USP31: variants seen among roughly 807,000 people sequenced by gnomAD.
USP31 encodes the protein ubiquitin specific peptidase 31.
A neutral mutation model predicts 119.4 loss-of-function variants in USP31; 44 were observed. The ratio of observed to expected loss-of-function variants is 0.37; its 90% confidence interval spans 0.29 to 0.47. The LOEUF (loss-of-function observed/expected upper bound fraction) is 0.47, where lower values mean the gene tolerates loss of function less well. Ranked by LOEUF, USP31 falls within the 20% of genes least tolerant of loss-of-function variation. The pLI, the probability that USP31 is intolerant of heterozygous loss-of-function variation, is 0.99. For missense variants in USP31, 1,643 were observed against 1,730.2 expected (o/e 0.95, Z 0.89); for synonymous variants, 749 against 705.6 (o/e 1.06, Z -0.97).
chr16:23,148,589 GC>G, intron 1 of USP31, 48 bp downstream of exon 1: 2 of 1,413,110 alleles, frequency 1.4e-6, no homozygotes, highest in Non-Finnish European at 9.1e-7. Flanking sequence ...GCGGGCAGGT[GC>G]CCCAGGGGCT....
rs780809931 is a variant in USP31 at position 23,073,730 on chromosome 16, G to A, written c.2327C>T (p.Ser776Leu). The change falls in exon 14 of 16, where the codon TCG becomes TTG. Residue 776 changes from serine to leucine, a missense_variant. By Grantham distance (145) the Ser-to-Leu change is moderately radical. Coordinates refer to ENST00000219689, the MANE Select transcript of USP31 (RefSeq NM_020718.4). ...ACAAGAGTGGACCTCACCTGCCACC[G>A]AGCTGTTGGCTGACCATGACGGGAT... ...TAIPSWSANSSVAGSTSSSLC... is the reference protein window; with the variant it reads ...TAIPSWSANSLVAGSTSSSLC... 3.7e-6 allele frequency: 6 copies of A among 1,611,576 alleles called. No homozygotes were observed. The highest frequency in any genetic ancestry group is 3.4e-6 in the Non-Finnish European group (4 of 1,179,100).
At chr16:23,096,861 T>C (rs868375469) in intron 6 of USP31, among the ~76,000 whole-genome samples, 2 of 152,212 alleles carry the variant, frequency 1.3e-5, no homozygotes, top group East Asian at 3.8e-4. Flanking sequence ...AGGAAATTTA[T>C]AGCACCAAAT....
In USP31 at chr16:23,148,670, C is replaced by G; in HGVS notation, c.601G>C (p.Glu201Gln). 6.7e-7 allele frequency: 1 copy of G among 1,498,820 alleles called. No homozygotes were observed. The highest frequency in any genetic ancestry group is 8.9e-7 in the Non-Finnish European group (1 of 1,127,522). 92.8% of individuals were successfully genotyped at this position (1,498,820 alleles called of 1,614,324 possible). ...TCGCGGCTGTGCTGCGGGGTGTACT[C>G]CAGGGTCCAGAGGGCCCGCACCAGG... ...AHLVRALWTLEYTPQHSRDFK... is the reference protein window; with the variant it reads ...AHLVRALWTLQYTPQHSRDFK... Residue 201 changes from glutamate to glutamine, a missense_variant, in exon 1 of 16, where the codon GAG (glutamate) becomes CAG (glutamine). Transcript: ENST00000219689.
intron 1 of USP31, chr16:23,115,670 A>T: frequency 1.7e-6 from 1 of 594,600 alleles, no homozygotes; most frequent in Non-Finnish European, 2.1e-6. Flanking sequence ...ATCCTACTAT[A>T]AACACATTTG....
At chr16:23,110,256 G>A (rs1174101953) in intron 1 of USP31, among the ~76,000 whole-genome samples, 1 of 152,160 alleles carries the variant, frequency 6.6e-6, no homozygotes, top group Non-Finnish European at 1.5e-5. Context: ...TGGCAGTTGT[G>A]TATATGTGTA....
intron 6 of USP31, among the ~76,000 whole-genome samples, chr16:23,101,274 G>A (rs919378043): frequency 1.3e-5 from 2 of 150,504 alleles, no homozygotes; most frequent in Non-Finnish European, 1.5e-5. Context: ...GAATTTTGAA[G>A]GAGAAGTTAT....
chr16:23,069,160 G>A lies in USP31; in HGVS notation c.2945C>T (p.Pro982Leu). ...AGCGATCTGATTATTGTTATCAAAT[G>A]GACCAGAGAGCGGGGGCAGGCGGTC... ...QGDRLPPLSG[P>L]FDNNNQIAYV... Residue 982 changes from proline (P) to leucine (L), a missense_variant, in exon 16 of 16, where the codon CCA becomes CTA. Physicochemically the swap from Pro to Leu is moderately conservative, Grantham distance 98 (BLOSUM62 -3). Coordinates refer to ENST00000219689, the MANE Select transcript of USP31 (RefSeq NM_020718.4). The A allele has an allele frequency of 6.2e-7, 1 of 1,613,982 alleles. No homozygotes were observed. Among genetic ancestry groups the A allele is most frequent in the African/African-American group, 1.3e-5 (1 of 75,042 alleles).
rs781294229 is a variant in USP31 at position 23,148,800 on chromosome 16, C to G, written c.471G>C (p.Ala157=). The part of the protein sequence containing the change: ...SNTELFAEYL[A]LGQYRAGRPE... Reference sequence around the variant, plus strand: ...GCCGCCCCGCCCGGTACTGGCCCAGCGCCAGGTACTCGGCGAAGAGCTCGG... The same window carrying G: ...GCCGCCCCGCCCGGTACTGGCCCAGGGCCAGGTACTCGGCGAAGAGCTCGG... Residue 157 remains alanine (A), a synonymous_variant, in exon 1 of 16, where the codon GCG becomes GCC. Transcript: ENST00000219689. The G allele has an allele frequency of 3.9e-6, 6 of 1,537,458 alleles. 1 individual carries two copies. The South Asian group carries it at 7.3e-5, about 19-fold the overall frequency.
chr16:23,086,192 T>C (rs1446895899), intron 9 of USP31, among the ~76,000 whole-genome samples: 1 of 152,162 alleles, frequency 6.6e-6, no homozygotes, highest in Non-Finnish European at 1.5e-5. Context: ...ACCTATCTCA[T>C]CTTGTTTGTT....
rs961922440 is a variant in USP31 at position 23,082,564 on chromosome 16, A to T, written c.1831-7T>A. On this transcript the variant is annotated splice_polypyrimidine_tract_variant and splice_region_variant and intron_variant, in intron 11 of 15. Coordinates refer to ENST00000219689, the MANE Select transcript of USP31 (RefSeq NM_020718.4). ...AGGCATCATCGGGGGCAAGCTGAAA[A>T]CAGAAGCATGACTCCCGTTAAGTGC... The T allele has an allele frequency of 1.9e-6, 3 of 1,613,850 alleles. No individual in the cohort carries two copies. The highest frequency in any genetic ancestry group is 1.3e-5 in the African/African-American group (1 of 74,910).
chr16:23,084,285 CCATT>C (rs1567229708), intron 11 of USP31, among the ~76,000 whole-genome samples: 2 of 152,158 alleles, frequency 1.3e-5, no homozygotes, highest in Non-Finnish European at 2.9e-5. Flanking sequence ...CTCTGTCCAT[CCATT>C]CATTTAAATA....
At chr16:23,122,449 C>T (rs1902703304) in intron 1 of USP31, among the ~76,000 whole-genome samples, 1 of 152,134 alleles carries the variant, frequency 6.6e-6, no homozygotes, top group Non-Finnish European at 1.5e-5. Context: ...CCCAGCAATT[C>T]CATCTCTAAA....
chr16:23,100,188 C>G (rs1046674700), intron 6 of USP31, among the ~76,000 whole-genome samples: 1 of 151,968 alleles, frequency 6.6e-6, no homozygotes. Flanking sequence ...TGAAGAGAAA[C>G]GAAAACATAA....
chr16:23,084,151 CA>C (rs1171029857), intron 11 of USP31, among the ~76,000 whole-genome samples: 1 of 152,184 alleles, frequency 6.6e-6, no homozygotes, highest in Non-Finnish European at 1.5e-5. Context: ...AACTAGTAGT[CA>C]AAATTATGAT....
chr16:23,066,748 G>C lies in USP31; in HGVS notation c.*1298C>G, dbSNP rs1900089399. The C allele has an allele frequency of 1.3e-5, 2 of 152,152 alleles. No individual in the cohort carries two copies. Among genetic ancestry groups the C allele is most frequent in the South Asian group, 4.1e-4 (2 of 4,828 alleles). 9.4% of individuals were successfully genotyped at this position (152,152 alleles called of 1,614,324 possible). On this transcript the variant is annotated 3_prime_UTR_variant, in exon 16 of 16. Transcript: ENST00000219689. Reference sequence around the variant, plus strand: ...GCAAAACTATATACTTTGCTTATCTGTGAGGTTTTTTTTGGTGAGGTTCTC... The same window carrying C: ...GCAAAACTATATACTTTGCTTATCTCTGAGGTTTTTTTTGGTGAGGTTCTC...
At chr16:23,077,047 CTAT>C (rs1452303328) in intron 13 of USP31, among the ~76,000 whole-genome samples, 1 of 152,224 alleles carries the variant, frequency 6.6e-6, no homozygotes, top group Non-Finnish European at 1.5e-5. Flanking sequence ...ACCAAATATA[CTAT>C]TATCATCATT....
In USP31 at chr16:23,068,131, C is replaced by T; in HGVS notation, c.3974G>A (p.Gly1325Asp). 1 of 1,614,170 alleles carries T rather than the reference C, an allele frequency of 6.2e-7. No individual in the cohort carries two copies. The highest frequency in any genetic ancestry group is 8.5e-7 in the Non-Finnish European group (1 of 1,180,030). ...GGATTTCTCTGCAGACTGCCTGCCA[C>T]CCGGAGACGAGGGAACTCCAGAGTC... ...QLDSGVPSSP[G>D]GRQSAEKSSK... Residue 1325 changes from glycine to aspartate, a missense_variant, in exon 16 of 16, where the codon GGT becomes GAT. By Grantham distance (94) the Gly-to-Asp change is moderately conservative. Transcript: ENST00000219689.
intron 9 of USP31, 38 bp from the exon 10 acceptor site, chr16:23,085,700 T>A (rs1399942874): frequency 6.7e-7 from 1 of 1,500,728 alleles, no homozygotes; most frequent in African/African-American, 1.4e-5. Context: ...AGCCACATAT[T>A]ATTTTCTAAA....
chr16:23,080,395 G>A (rs953978842), intron 12 of USP31, among the ~76,000 whole-genome samples: 1 of 152,066 alleles, frequency 6.6e-6, no homozygotes, highest in Non-Finnish European at 1.5e-5. Context: ...TATAGAGGGG[G>A]TAAATGAGCC....
Sources: gnomAD v4.1 joint callset for allele counts (sites outside exome capture counted in the v4.1 genomes callset) on GRCh38, gnomAD v4.1.1 for gene constraint, MANE v1.5 for transcripts, NCBI Gene and HGNC (gene_info 2026-07-23, HGNC 2026-07-21) for gene names.